Variants in CSDE1 observed in about 807,000 individuals in gnomAD.
CSDE1 encodes cold shock domain-containing protein E1.
In CSDE1, 17 loss-of-function variants were observed where a neutral mutation model predicts 89.3. The ratio of observed to expected loss-of-function variants is 0.19; its 90% CI spans 0.13 to 0.29. CSDE1 has a LOEUF of 0.29. Among genes scored for constraint, CSDE1 ranks in the 10% least tolerant of loss-of-function variants. The pLI, the probability that CSDE1 is intolerant of heterozygous loss-of-function variation, is 1.00. For synonymous variants in CSDE1, 322 were observed against 332.8 expected (o/e 0.97, Z 0.35); for missense variants, 672 against 984.2 (o/e 0.68, Z 4.24).
At position 114,730,495 on chromosome 1, in the gene CSDE1, A is replaced by G; in HGVS notation, c.1191+13T>C. 1.2e-6 allele frequency: 2 copies of G among 1,612,780 alleles called. No individual in the cohort carries two copies. The highest frequency in any genetic ancestry group is 1.7e-6 in the Non-Finnish European group (2 of 1,179,490). On this transcript the variant is annotated intron_variant, in intron 11 of 19. Coordinates refer to ENST00000358528, the MANE Select transcript of CSDE1 (RefSeq NM_001007553.3). Reference sequence around the variant, plus strand: ...CAAGAAACACCTCCCAACTTTTCTCAGAAACAACTCACAGGAACCACAGTA... The same window carrying G: ...CAAGAAACACCTCCCAACTTTTCTCGGAAACAACTCACAGGAACCACAGTA...
chr1:114,734,472 G>T lies in CSDE1; in HGVS notation c.552C>A (p.Ala184=). 6.2e-7 allele frequency: 1 copy of T among 1,612,888 alleles called. No homozygotes were observed. Among genetic ancestry groups the T allele is most frequent in the South Asian group, 1.1e-5 (1 of 90,636 alleles). ...RNIMLLKKKQ[A]RCQGVVCAMK... ...TGGCACAAACTACTCCCTGACAGCGGGCTTGTTTCTTTTTCAACAGCATAA... is the reference window on the plus strand; with the variant it reads ...TGGCACAAACTACTCCCTGACAGCGTGCTTGTTTCTTTTTCAACAGCATAA... Residue 184 remains alanine, a synonymous_variant, in exon 7 of 20, where the codon GCC becomes GCA. Coordinates refer to ENST00000358528, the MANE Select transcript of CSDE1 (RefSeq NM_001007553.3).
At chr1:114,737,400 T>C (rs1166951023) in intron 5 of CSDE1, 71 bp downstream of exon 5, 11 of 1,252,590 alleles carry the variant, frequency 8.8e-6, no homozygotes, top group East Asian at 2.3e-5. Context: ...TTTTCTATTT[T>C]GAATTTTAAA....
chr1:114,731,425 CAA>C (rs1553247156), intron 10 of CSDE1, among the ~76,000 whole-genome samples: 8 of 149,274 alleles, frequency 5.4e-5, no homozygotes, highest in Non-Finnish European at 1.2e-4. Flanking sequence ...TTCAGACTTA[CAA>C]ACTTTTAAAG....
At chr1:114,731,940 G>A (rs1413057077) in intron 10 of CSDE1, among the ~76,000 whole-genome samples, 1 of 152,104 alleles carries the variant, frequency 6.6e-6, no homozygotes, top group Non-Finnish European at 1.5e-5. Context: ...TCAGCCTCCT[G>A]AGTAGTTAGG....
chr1:114,722,165 G>A (rs925380608), intron 16 of CSDE1, among the ~76,000 whole-genome samples: 10 of 152,192 alleles, frequency 6.6e-5, no homozygotes, highest in Admixed American at 1.3e-4. Context: ...TTACAGGTGT[G>A]AGCCCCTACT....
intron 17 of CSDE1, chr1:114,720,272 C>T (rs916740184): frequency 1.1e-5 from 4 of 356,596 alleles, no homozygotes. Flanking sequence ...TATAGTCCTT[C>T]TATTCTGGAA....
At chr1:114,726,516 G>T (rs1400877882) in intron 13 of CSDE1, 130 bp from the exon 14 acceptor site, 6 of 685,708 alleles carry the variant, frequency 8.8e-6, no homozygotes, top group Non-Finnish European at 1.4e-5. Flanking sequence ...TTACTTCAAT[G>T]AAATTGATTT....
At chr1:114,733,967 T>TC (rs1382542278) in intron 8 of CSDE1, 22 bp downstream of exon 8, 3 of 1,607,650 alleles carry the variant, frequency 1.9e-6, no homozygotes, top group Non-Finnish European at 2.5e-6. Context: ...AGGCCAAAGA[T>TC]CAAGTTAACT....
intron 18 of CSDE1, 45 bp downstream of exon 18, chr1:114,719,534 A>T: frequency 6.4e-7 from 1 of 1,565,846 alleles, no homozygotes; most frequent in Non-Finnish European, 8.6e-7. Flanking sequence ...TAAAGTTGAG[A>T]CACTCCAGGG....
chr1:114,728,731 C>G (rs2300664), intron 12 of CSDE1, among the ~76,000 whole-genome samples: 1 of 152,146 alleles, frequency 6.6e-6, no homozygotes, highest in Non-Finnish European at 1.5e-5. Flanking sequence ...CTAGGTACTT[C>G]GAGGGCTTTT....
At chr1:114,736,269 CAA>C (rs891292730) in intron 6 of CSDE1, among the ~76,000 whole-genome samples, 9 of 152,164 alleles carry the variant, frequency 5.9e-5, no homozygotes, top group Non-Finnish European at 1.3e-4. Context: ...CCCCACCTTT[CAA>C]AAGTCTACCA....
chr1:114,745,801 TA>T (rs1360710534), intron 2 of CSDE1, among the ~76,000 whole-genome samples: 15 of 152,232 alleles, frequency 9.9e-5, no homozygotes, highest in Admixed American at 7.9e-4. Flanking sequence ...AGGTCAAATT[TA>T]AACTTCATTT....
At chr1:114,756,185 AAAAG>A (rs1172118802) in intron 1 of CSDE1, among the ~76,000 whole-genome samples, 3 of 152,218 alleles carry the variant, frequency 2.0e-5, no homozygotes, top group Non-Finnish European at 4.4e-5. Flanking sequence ...TACTTACAAA[AAAAG>A]AAAACCTATC....
chr1:114,738,115 CG>C (rs776109764), intron 3 of CSDE1, 43 bp from the exon 4 acceptor site: 2 of 1,454,480 alleles, frequency 1.4e-6, no homozygotes, highest in Non-Finnish European at 1.9e-6. Flanking sequence ...CTGATTTTTG[CG>C]AAACGATATA....
intron 5 of CSDE1, 26 bp downstream of exon 5, chr1:114,737,445 G>A (rs757218322): frequency 6.4e-7 from 1 of 1,555,132 alleles, no homozygotes; most frequent in Non-Finnish European, 8.9e-7. Context: ...ATCAGGCAAA[G>A]GTTTAAGAAA....
chr1:114,736,177 C>G (rs1380449193), intron 6 of CSDE1, among the ~76,000 whole-genome samples: 1 of 152,094 alleles, frequency 6.6e-6, no homozygotes, highest in Non-Finnish European at 1.5e-5. Context: ...CTTGACTCCT[C>G]CACCCCATCC....
intron 15 of CSDE1, 173 bp from the exon 16 acceptor site, chr1:114,724,175 TTAA>T: frequency 1.9e-6 from 1 of 514,740 alleles, no homozygotes; most frequent in Non-Finnish European, 3.4e-6. Flanking sequence ...CTGCTGGACT[TTAA>T]ATACTTCTAA....
Position 114,719,569 on chromosome 1 carries a change from CA to C in CSDE1, c.2216+9del. 6.2e-7 allele frequency: 1 copy of C among 1,610,546 alleles called. No homozygotes were observed. Among genetic ancestry groups the C allele is most frequent in the Non-Finnish European group, 8.5e-7 (1 of 1,178,900 alleles). On this transcript the variant is annotated intron_variant, in intron 18 of 19. Coordinates refer to ENST00000358528, the MANE Select transcript of CSDE1 (RefSeq NM_001007553.3). ...GTAGTTACTAATCAAACCACAACAA[CA>C]AAACTCACCAGACTCGCCAAACATT...
At chr1:114,743,343 C>G (rs1332568517) in intron 2 of CSDE1, among the ~76,000 whole-genome samples, 1 of 152,076 alleles carries the variant, frequency 6.6e-6, no homozygotes, top group Non-Finnish European at 1.5e-5. Context: ...AGGTGTGCGC[C>G]ACCAAACCCA....
Sources: allele counts gnomAD v4.1 joint callset (sites outside exome capture counted in the v4.1 genomes callset), GRCh38; gene constraint gnomAD v4.1.1; transcripts MANE v1.5; gene names NCBI Gene and HGNC (gene_info 2026-07-23, HGNC 2026-07-21).